CEP290: variants seen among roughly 807,000 people sequenced by gnomAD.
CEP290 encodes the protein centrosomal protein of 290 kDa.
A neutral mutation model predicts 344.9 loss-of-function variants in CEP290; 317 were observed. The observed-to-expected ratio is 0.92, with a 90% CI of 0.84 to 1.01. The LOEUF (loss-of-function observed/expected upper bound fraction) is 1.01. CEP290 is among the 50% of genes least tolerant of loss of function. The pLI, the probability that CEP290 is intolerant of heterozygous loss-of-function variation, is 0.00. For missense variants in CEP290, 2,754 were observed against 2,761.4 expected (o/e 1.00, Z 0.06); for synonymous variants, 932 against 895.8 (o/e 1.04, Z -0.72).
rs2137424983 is a variant in CEP290 at position 88,096,955 on chromosome 12, T to C, written c.3036A>G (p.Lys1012=). 6.3e-7 allele frequency: 1 copy of C among 1,578,020 alleles called. No homozygotes were observed. The highest frequency in any genetic ancestry group is 8.6e-7 in the Non-Finnish European group (1 of 1,159,480). ...SLKEQVESIN[K]ELEITKEKLH... The stretch of plus-strand genomic sequence containing the variant: ...GTTTTTCCTTGGTAATCTCCAGTTC[T>C]TTATTTATAGACTCCACTTGTTCTT... Residue 1012 remains lysine, a synonymous_variant, in exon 27 of 54, where the codon AAA becomes AAG. Transcript: ENST00000552810.
intron 44 of CEP290, among the ~76,000 whole-genome samples, chr12:88,064,378 A>G (rs903881699): frequency 2.0e-5 from 3 of 152,130 alleles, no homozygotes; most frequent in Non-Finnish European, 2.9e-5. Context: ...GCCTTCATGT[A>G]TAATTTCATA....
In CEP290 at chr12:88,141,018, G is replaced by A; in HGVS notation, c.118C>T (p.Leu40=). Residue 40 remains leucine (L), a synonymous_variant, in exon 3 of 54, where the codon CTA becomes TTA. Coordinates refer to ENST00000552810, the MANE Select transcript of CEP290 (RefSeq NM_025114.4). ...ACATTTTCTTGCTTTTCACTTTTTA[G>A]CTCATTTACTTCCACCTAAGTAAAC... The part of the protein sequence containing the change: ...ISLSKVEVNE[L]KSEKQENVIH... The A allele has an allele frequency of 6.3e-7, 1 of 1,584,274 alleles. No homozygotes were observed. Among genetic ancestry groups the A allele is most frequent in the Non-Finnish European group, 8.6e-7 (1 of 1,167,628 alleles).
At chr12:88,054,187 G>A in intron 51 of CEP290, among the ~76,000 whole-genome samples, 153 bp downstream of exon 51, 1 of 152,078 alleles carries the variant, frequency 6.6e-6, no homozygotes, top group East Asian at 1.9e-4. Flanking sequence ...AGAGTGATTA[G>A]CATTAGAGGG....
intron 49 of CEP290, chr12:88,058,034 C>T (rs1425372637): frequency 2.0e-5 from 3 of 152,236 alleles, no homozygotes; most frequent in African/African-American, 4.8e-5. Flanking sequence ...CCACTTCATA[C>T]AGGATGGCTT....
At chr12:88,062,432 T>C (rs771033474) in intron 46 of CEP290, among the ~76,000 whole-genome samples, 1 of 152,144 alleles carries the variant, frequency 6.6e-6, no homozygotes, top group African/African-American at 2.4e-5. Context: ...AACAAAAGGA[T>C]TCCTGGAAGT....
chr12:88,069,145 C>T (rs1288516740), intron 43 of CEP290, among the ~76,000 whole-genome samples: 2 of 152,118 alleles, frequency 1.3e-5, no homozygotes, highest in Admixed American at 6.6e-5. Flanking sequence ...ATCTATCCAA[C>T]CTTATTGTCC....
chr12:88,077,740 T>A lies in CEP290; in HGVS notation c.5543A>T (p.Asp1848Val). 6.3e-7 allele frequency: 1 copy of A among 1,578,214 alleles called. No individual in the cohort carries two copies. The highest frequency in any genetic ancestry group is 8.6e-7 in the Non-Finnish European group (1 of 1,165,514). ...TCTTTTAATTTGCCTTTTCAGTTCA[T>A]CATTCTCTTGATCAATTTCCTCTTT... is the stretch of plus-strand genomic sequence containing the variant. ...REKEEIDQEN[D>V]ELKRQIKRLT... Residue 1848 changes from aspartate (D) to valine (V), a missense_variant, in exon 40 of 54, where the codon GAT (aspartate) becomes GTT (valine). Transcript: ENST00000552810.
chr12:88,118,220 CA>C (rs1371837196), intron 17 of CEP290, among the ~76,000 whole-genome samples: 2 of 151,868 alleles, frequency 1.3e-5, no homozygotes, highest in Admixed American at 1.3e-4. Context: ...TAAAACTTTT[CA>C]AAAATTCCAT....
At chr12:88,096,805 C>G in intron 27 of CEP290, 83 bp downstream of exon 27, 2 of 697,058 alleles carry the variant, frequency 2.9e-6, no homozygotes, top group East Asian at 6.1e-5. Context: ...TCCTTTTAAT[C>G]TAGCATAAAA....
At chr12:88,079,298 T>C (rs2036016198) in intron 38 of CEP290, 69 bp from the exon 39 acceptor site, 1 of 1,225,334 alleles carries the variant, frequency 8.2e-7, no homozygotes, top group Non-Finnish European at 1.1e-6. Flanking sequence ...ATATATGATA[T>C]AAAAAATAAA....
intron 15 of CEP290, 78 bp from the exon 16 acceptor site, chr12:88,118,821 C>T: frequency 2.1e-6 from 2 of 943,500 alleles, no homozygotes; most frequent in Admixed American, 5.4e-5. Flanking sequence ...CATCAAGCAA[C>T]TGGTTATAAT....
intron 25 of CEP290, chr12:88,103,974 A>T (rs1410009125): frequency 1.3e-5 from 2 of 152,016 alleles, no homozygotes; most frequent in East Asian, 3.9e-4. Flanking sequence ...AATTGTTGGG[A>T]GAAAAAAATC....
At chr12:88,141,372 A>G (rs2040651109) in intron 1 of CEP290, 38 bp from the exon 2 acceptor site, 2 of 1,045,012 alleles carry the variant, frequency 1.9e-6, no homozygotes, top group Non-Finnish European at 2.8e-6. Flanking sequence ...TTTTCAAGGT[A>G]CACAGTATTA....
chr12:88,112,159 A>G lies in CEP290; in HGVS notation c.2053-301T>C, dbSNP rs1592609801. 2.0e-5 allele frequency among the ~76,000 whole-genome samples: 3 copies of G among 152,290 alleles called. No homozygotes were observed. The South Asian group carries it at 6.2e-4, about 32-fold the overall frequency. On this transcript the variant is annotated intron_variant, in intron 20 of 53. Coordinates refer to ENST00000552810, the MANE Select transcript of CEP290 (RefSeq NM_025114.4). ...GATGACCAGGGTTCAAATTTTAATC[A>G]GTCACTTAACAGCTGGGCAAGTGAC...
At chr12:88,103,180 T>C in intron 25 of CEP290, 169 bp from the exon 26 acceptor site, 1 of 401,386 alleles carries the variant, frequency 2.5e-6, no homozygotes, top group African/African-American at 2.1e-5. Context: ...ATTTCTTTCA[T>C]ATAAGAAATG....
At chr12:88,089,576 C>A (rs2036861746) in intron 30 of CEP290, 89 bp from the exon 31 acceptor site, 5 of 1,025,120 alleles carry the variant, frequency 4.9e-6, no homozygotes, top group Non-Finnish European at 6.7e-6. Context: ...ATTTACTAAG[C>A]AAAGTTTTAA....
intron 41 of CEP290, among the ~76,000 whole-genome samples, chr12:88,076,008 G>A (rs950470152): frequency 4.6e-5 from 7 of 152,132 alleles, no homozygotes; most frequent in Non-Finnish European, 8.8e-5. Flanking sequence ...AAGAGTCCAG[G>A]CAAAGCCACA....
At chr12:88,127,687 T>C (rs1440154003) in intron 11 of CEP290, among the ~76,000 whole-genome samples, 1 of 152,186 alleles carries the variant, frequency 6.6e-6, no homozygotes, top group Non-Finnish European at 1.5e-5. Context: ...TAGAATGTAT[T>C]TGCAACATAC....
chr12:88,124,164 C>T (rs541690787), intron 13 of CEP290, among the ~76,000 whole-genome samples: 148 of 152,166 alleles, frequency 9.7e-4, no homozygotes, highest in African/African-American at 3.4e-3. Context: ...AAACTTTCCC[C>T]GGTGTCCCTT....
Sources: gnomAD v4.1 joint callset for allele counts (sites outside exome capture counted in the v4.1 genomes callset) on GRCh38, gnomAD v4.1.1 for gene constraint, MANE v1.5 for transcripts, NCBI Gene and HGNC (gene_info 2026-07-23, HGNC 2026-07-21) for gene names.